The following MREG variants were observed in gnomAD, a reference collection of about 807,000 sequenced individuals.
MREG encodes melanoregulin, also known as dilute suppressor protein homolog.
A neutral mutation model predicts 28.5 loss-of-function variants in MREG; 31 were observed. That is an observed-to-expected ratio of 1.09 (90% CI 0.82 to 1.47). MREG has a LOEUF of 1.47. MREG is among the 40% of genes most tolerant of loss of function. The probability of loss-of-function intolerance (pLI) is 0.00; values close to 1 mark genes in which losing one functional copy is unlikely to be tolerated. For missense variants in MREG, 256 were observed against 257.4 expected (o/e 0.99, Z 0.04); for synonymous variants, 106 against 95.2 (o/e 1.11, Z -0.66).
At chr2:215,958,222 G>A (rs926932418) in intron 2 of MREG, among the ~76,000 whole-genome samples, 5 of 151,328 alleles carry the variant, frequency 3.3e-5, no homozygotes, top group South Asian at 2.1e-4. Context: ...AAACCTGCAC[G>A]TTGTGCACAT....
chr2:215,964,079 C>A (rs747031051), intron 2 of MREG, among the ~76,000 whole-genome samples: 7 of 152,108 alleles, frequency 4.6e-5, no homozygotes, highest in Middle Eastern at 3.2e-3. Flanking sequence ...AAATAAACTT[C>A]ACTAGTAAAA....
chr2:216,010,988 C>G (rs1041732722), intron 1 of MREG, among the ~76,000 whole-genome samples: 1 of 149,326 alleles, frequency 6.7e-6, no homozygotes, highest in Non-Finnish European at 1.5e-5. Context: ...CCCAGCTACT[C>G]GGGAGGCTGA....
upstream of MREG, among the ~76,000 whole-genome samples, chr2:216,015,210 T>C (rs914185951): frequency 3.9e-5 from 6 of 151,948 alleles, no homozygotes; most frequent in African/African-American, 1.5e-4. Flanking sequence ...CGTGTGTGTG[T>C]TGGGTGGAGG....
chr2:215,994,754 C>T (rs575334471), intron 2 of MREG, among the ~76,000 whole-genome samples: 2 of 152,108 alleles, frequency 1.3e-5, no homozygotes, highest in Non-Finnish European at 2.9e-5. Flanking sequence ...CGTCCATGTT[C>T]CTCTGCTGTC....
chr2:215,995,309 C>T (rs1693837487), intron 2 of MREG, among the ~76,000 whole-genome samples: 1 of 152,172 alleles, frequency 6.6e-6, no homozygotes, highest in African/African-American at 2.4e-5. Context: ...GGCCCTTCCC[C>T]CATCCTGTGA....
chr2:216,027,446 C>A (rs1694612795), intron 1 of MREG, among the ~76,000 whole-genome samples: 1 of 152,226 alleles, frequency 6.6e-6, no homozygotes. Context: ...AATCCCAGCA[C>A]TTTGGGAAGC....
upstream of MREG, among the ~76,000 whole-genome samples, chr2:216,015,851 C>A (rs1694441419): frequency 5.9e-5 from 9 of 152,244 alleles, 2 homozygotes; most frequent in South Asian, 1.9e-3. Flanking sequence ...AACTTGGAGG[C>A]TGAATCTCCA....
At chr2:215,994,224 A>G (rs56950556) in intron 2 of MREG, among the ~76,000 whole-genome samples, 30,959 of 151,900 alleles carry the variant, frequency 0.2, 5,239 homozygotes, top group African/African-American at 0.45. Flanking sequence ...ATGGAATACT[A>G]TGCAGCCATA....
At chr2:215,979,253 C>T (rs1445950953) in intron 2 of MREG, among the ~76,000 whole-genome samples, 1 of 151,958 alleles carries the variant, frequency 6.6e-6, no homozygotes, top group African/African-American at 2.4e-5. Context: ...CATCTGAGGT[C>T]GGAAGTTCAA....
chr2:215,984,779 T>C (rs982699448), intron 2 of MREG, among the ~76,000 whole-genome samples: 1 of 152,194 alleles, frequency 6.6e-6, no homozygotes, highest in African/African-American at 2.4e-5. Flanking sequence ...ATGTGTGTTG[T>C]GCCTGGAAAC....
intron 1 of MREG, among the ~76,000 whole-genome samples, chr2:216,023,433 C>T (rs770998474): frequency 1.3e-5 from 2 of 152,160 alleles, no homozygotes; most frequent in Non-Finnish European, 2.9e-5. Context: ...AAACTCTAAA[C>T]CTGTTAGGGC....
chr2:216,030,163 G>A (rs568008015), intron 1 of MREG, among the ~76,000 whole-genome samples: 11 of 152,296 alleles, frequency 7.2e-5, no homozygotes, highest in African/African-American at 2.6e-4. Flanking sequence ...AGACAAATTT[G>A]TAAAAATATA....
chr2:215,963,957 T>C (rs1348880305), intron 2 of MREG, among the ~76,000 whole-genome samples: 1 of 152,110 alleles, frequency 6.6e-6, no homozygotes, highest in Non-Finnish European at 1.5e-5. Flanking sequence ...GGGAAGGAAA[T>C]AATAGTGCCT....
At chr2:215,962,163 C>T (rs1031162472) in intron 2 of MREG, among the ~76,000 whole-genome samples, 6 of 152,182 alleles carry the variant, frequency 3.9e-5, no homozygotes, top group African/African-American at 1.4e-4. Flanking sequence ...GTTCTGGAAA[C>T]AGACTGCTTT....
chr2:216,005,924 T>C (rs1317460406), intron 1 of MREG, among the ~76,000 whole-genome samples: 1 of 150,800 alleles, frequency 6.6e-6, no homozygotes, highest in East Asian at 1.9e-4. Context: ...TTGCACACTA[T>C]GTCACCAAAA....
intron 2 of MREG, among the ~76,000 whole-genome samples, chr2:215,969,231 G>C (rs1452485420): frequency 6.6e-6 from 1 of 152,182 alleles, no homozygotes; most frequent in Admixed American, 6.5e-5. Flanking sequence ...CATTCACCCA[G>C]AGAAGCTTTA....
chr2:215,974,857 C>G (rs1048544087), intron 2 of MREG, among the ~76,000 whole-genome samples: 2 of 147,206 alleles, frequency 1.4e-5, no homozygotes, highest in African/African-American at 5.2e-5. Flanking sequence ...CACACACTCT[C>G]TCTCTCTCTC....
intron 2 of MREG, among the ~76,000 whole-genome samples, chr2:215,948,939 A>G (rs1384870355): frequency 6.6e-6 from 1 of 152,080 alleles, no homozygotes; most frequent in Admixed American, 6.6e-5. Flanking sequence ...ACGCTGGCTC[A>G]CACCTCTAAT....
downstream of MREG, among the ~76,000 whole-genome samples, chr2:215,942,304 GA>G (rs1034836049): frequency 1.3e-5 from 2 of 152,210 alleles, no homozygotes; most frequent in Admixed American, 1.3e-4. Flanking sequence ...TCGACAGGGA[GA>G]CAAAAAGTGG....
Sources: allele counts gnomAD v4.1 joint callset (sites outside exome capture counted in the v4.1 genomes callset), GRCh38; gene constraint gnomAD v4.1.1; transcripts MANE v1.5; gene names NCBI Gene and HGNC (gene_info 2026-07-23, HGNC 2026-07-21).